Variants in AGO4 observed in about 807,000 individuals in gnomAD.
AGO4 encodes argonaute RISC component 4.
Under a neutral mutation model 104.7 loss-of-function variants are expected in AGO4, and 33 were observed. The ratio of observed to expected loss-of-function variants is 0.32; its 90% CI spans 0.24 to 0.42. The LOEUF is 0.42. AGO4 is among the 10% of genes least tolerant of loss of function. The pLI, the probability that AGO4 is intolerant of heterozygous loss-of-function variation, is 1.00. For synonymous variants in AGO4, 331 were observed against 364.7 expected (o/e 0.91, Z 1.05); for missense variants, 711 against 1,083.4 (o/e 0.66, Z 4.83).
At position 35,855,905 on chromosome 1, in the gene AGO4, C is replaced by T. The variant is rs1293020918; in HGVS notation, c.*2300C>T. On this transcript the variant is annotated 3_prime_UTR_variant, in exon 18 of 18. Coordinates refer to ENST00000373210, the MANE Select transcript of AGO4 (RefSeq NM_017629.4). The stretch of plus-strand genomic sequence containing the variant: ...GGCTGGCTGGCCAGCGGGCACCACA[C>T]CTGCACTTGAGTGCCTCGGGCTTGC... The T allele has an allele frequency of 1.3e-5, 2 of 152,262 alleles. No individual in the cohort carries two copies. The highest frequency in any genetic ancestry group is 2.9e-5 in the Non-Finnish European group (2 of 68,072). 9.4% of individuals were successfully genotyped at this position (152,262 alleles called of 1,614,324 possible).
intron 15 of AGO4, among the ~76,000 whole-genome samples, chr1:35,845,787 C>G (rs1380059534): frequency 1.3e-5 from 2 of 152,194 alleles, no homozygotes; most frequent in Admixed American, 6.5e-5. Flanking sequence ...AAAACAACAA[C>G]AAAAACCCAA....
In AGO4 at chr1:35,841,625, C is replaced by G. The variant is rs766394636; in HGVS notation, c.2050C>G (p.Pro684Ala). The change falls in exon 15 of 18, where the codon CCA becomes GCA. Residue 684 changes from proline to alanine, a missense_variant. Physicochemically the swap from Pro to Ala is conservative, Grantham distance 27. Transcript: ENST00000373210. The surrounding 1 kb of genome is among the most constrained non-coding windows in gnomAD (Gnocchi z 4.7). ...CATTTCTGTCTTCTAGGTAGCTTGG[C>G]CAGAACTAATAGCAATTCGAAAGGC... The part of the protein sequence containing the change: ...SEGQMKQVAW[P>A]ELIAIRKACI... The G allele has an allele frequency of 6.2e-7, 1 of 1,613,912 alleles. No homozygotes were observed. Among genetic ancestry groups the G allele is most frequent in the Non-Finnish European group, 8.5e-7 (1 of 1,179,968 alleles).
intron 3 of AGO4, among the ~76,000 whole-genome samples, chr1:35,824,499 A>C (rs1643963738): frequency 1.3e-5 from 2 of 151,768 alleles, no homozygotes. Context: ...ATATAACATA[A>C]AATTTACTAT....
At position 35,822,908 on chromosome 1, in the gene AGO4, GGT is replaced by G; in HGVS notation, c.234_235del (p.Asp79SerfsTer6). On this transcript the variant is annotated frameshift_variant, in exon 3 of 18. Coordinates refer to ENST00000373210, the MANE Select transcript of AGO4 (RefSeq NM_017629.4). LOFTEE classifies it high-confidence loss of function. ...MVRHFKMQIF[G>X]DRQPGYDGKR... ...GCGGCACTTCAAGATGCAAATATTT[GGT>G]GATCGGCAGCCTGGGTATGATGGCA... 1 of 1,614,074 alleles carries G rather than the reference GGT, an allele frequency of 6.2e-7. No individual in the cohort carries two copies. Among genetic ancestry groups the G allele is most frequent in the Non-Finnish European group, 8.5e-7 (1 of 1,179,994 alleles).
intron 7 of AGO4, among the ~76,000 whole-genome samples, chr1:35,828,531 T>C (rs781777880): frequency 1.3e-5 from 2 of 152,294 alleles, no homozygotes; most frequent in South Asian, 4.1e-4. Flanking sequence ...ACTTCTTTTT[T>C]TTTTTGAGAC....
intron 13 of AGO4, among the ~76,000 whole-genome samples, chr1:35,837,513 G>A (rs1485801930): frequency 6.6e-6 from 1 of 152,004 alleles, no homozygotes; most frequent in Non-Finnish European, 1.5e-5. Flanking sequence ...CCAAGTAGCT[G>A]GGACTACAGG....
At chr1:35,850,119 C>A in intron 15 of AGO4, 38 bp from the exon 16 acceptor site, 1 of 1,448,846 alleles carries the variant, frequency 6.9e-7, no homozygotes, top group Non-Finnish European at 9.4e-7. Context: ...CACAGTTTGG[C>A]ACTTTGATGA....
At chr1:35,840,398 G>A (rs1644411302) in intron 13 of AGO4, among the ~76,000 whole-genome samples, 2 of 152,130 alleles carry the variant, frequency 1.3e-5, no homozygotes, top group African/African-American at 4.8e-5. Flanking sequence ...CTGACCTCAA[G>A]TGATCTGCCT....
intron 16 of AGO4, 83 bp from the exon 17 acceptor site, chr1:35,850,771 A>T: frequency 4.3e-4 from 349 of 813,768 alleles, no homozygotes; most frequent in Non-Finnish European, 5.7e-4. Context: ...ACAGAGTGAG[A>T]CTCCATCTCA....
intron 5 of AGO4, 45 bp from the exon 6 acceptor site, chr1:35,825,881 C>T (rs920280774): frequency 1.7e-5 from 28 of 1,605,818 alleles, no homozygotes; most frequent in Non-Finnish European, 2.4e-5. Flanking sequence ...TTTGTTTTGG[C>T]CCTTCCCTTT....
In AGO4 at chr1:35,841,593, A is replaced by T. The variant is rs1394262200; in HGVS notation, c.2041-23A>T. 1 of 1,613,928 alleles carries T rather than the reference A, an allele frequency of 6.2e-7. No homozygotes were observed. Among genetic ancestry groups the T allele is most frequent in the Admixed American group, 1.7e-5 (1 of 59,982 alleles). ...ATACTAGGCAAATTCTCAATTAAAC[A>T]TAATTCCATTTCTGTCTTCTAGGTA... On this transcript the variant is annotated intron_variant, in intron 14 of 17. Coordinates refer to ENST00000373210, the MANE Select transcript of AGO4 (RefSeq NM_017629.4). This position sits in a 1 kb window ranked among gnomAD's most constrained non-coding sequence, Gnocchi z 4.7.
chr1:35,813,326 G>A (rs979236600), intron 1 of AGO4, among the ~76,000 whole-genome samples: 4 of 151,594 alleles, frequency 2.6e-5, no homozygotes, highest in East Asian at 1.9e-4. Flanking sequence ...GGAGAATGGC[G>A]TGAACCCGGG....
At position 35,841,299 on chromosome 1, in the gene AGO4, C is replaced by T; in HGVS notation, c.1859C>T (p.Thr620Ile). Residue 620 changes from threonine (T) to isoleucine (I), a missense_variant, in exon 14 of 18, where the codon ACC becomes ATC. By Grantham distance (89) the Thr-to-Ile change is moderately conservative. This residue lies in a region of AGO4 where 401 missense variants were observed against 665.5 expected (regional missense o/e 0.60). Transcript: ENST00000373210. The surrounding 1 kb of genome is among the most constrained non-coding windows in gnomAD (Gnocchi z 4.7). ...MDGHPSRYCATVRVQTSRQEI... is the reference protein window; with the variant it reads ...MDGHPSRYCAIVRVQTSRQEI... Reference sequence around the variant, plus strand: ...GGCCACCCCAGCCGGTACTGTGCCACCGTTCGGGTGCAGACTTCCCGGCAG... The same window carrying T: ...GGCCACCCCAGCCGGTACTGTGCCATCGTTCGGGTGCAGACTTCCCGGCAG... 2 of 1,614,194 alleles carry T rather than the reference C, an allele frequency of 1.2e-6. No individual in the cohort carries two copies. The highest frequency in any genetic ancestry group is 1.7e-6 in the Non-Finnish European group (2 of 1,180,034).
chr1:35,843,478 A>C (rs1557577503), intron 15 of AGO4, among the ~76,000 whole-genome samples: 1 of 152,150 alleles, frequency 6.6e-6, no homozygotes, highest in Non-Finnish European at 1.5e-5. Context: ...TTTAAATTAA[A>C]AGGGCTGTCT....
chr1:35,850,895 C>T lies in AGO4; in HGVS notation c.2319C>T (p.Asp773=), dbSNP rs1488873088. The T allele has an allele frequency of 6.2e-7, 1 of 1,612,102 alleles. No homozygotes were observed. Among genetic ancestry groups the T allele is most frequent in the African/African-American group, 1.3e-5 (1 of 74,414 alleles). ...CACATTACCAGGTCTTGTGGGATGA[C>T]AACTGCTTCACTGCAGATGAACTCC... ...RPSHYQVLWD[D]NCFTADELQL... is the part of the protein sequence containing the mutation. The change falls in exon 17 of 18, where the codon GAC becomes GAT. Residue 773 remains aspartate, a synonymous_variant. Transcript: ENST00000373210.
intron 7 of AGO4, among the ~76,000 whole-genome samples, chr1:35,830,973 C>CAAA (rs543347096): frequency 5.3e-5 from 3 of 57,082 alleles, no homozygotes; most frequent in South Asian, 6.0e-4. Flanking sequence ...CTCTGTCTCA[C>CAAA]AAAAAAAAAA....
intron 13 of AGO4, among the ~76,000 whole-genome samples, chr1:35,839,948 C>T (rs1289258364): frequency 6.9e-6 from 1 of 145,078 alleles, no homozygotes; most frequent in Non-Finnish European, 1.5e-5. Flanking sequence ...GCCTGGGCAA[C>T]AGAGTGAGAC....
At chr1:35,831,099 C>T (rs182722324) in intron 7 of AGO4, among the ~76,000 whole-genome samples, 10 of 151,980 alleles carry the variant, frequency 6.6e-5, no homozygotes, top group Admixed American at 2.6e-4. Flanking sequence ...CAGTGGCTCA[C>T]GCCTGTAATC....
chr1:35,833,180 G>A (rs1035683209), intron 11 of AGO4, among the ~76,000 whole-genome samples: 9 of 152,156 alleles, frequency 5.9e-5, no homozygotes, highest in Non-Finnish European at 1.2e-4. Flanking sequence ...TGGGGAGGCT[G>A]AGGCAGGAGA....
Sources: gnomAD v4.1 joint callset for allele counts (sites outside exome capture counted in the v4.1 genomes callset) on GRCh38, gnomAD v4.1.1 for gene constraint, gnomAD v4.1.1 regional missense constraint, Gnocchi (gnomAD v3.1) non-coding constraint, MANE v1.5 for transcripts, NCBI Gene and HGNC (gene_info 2026-07-23, HGNC 2026-07-21) for gene names.